EXOSC7: variants seen among roughly 807,000 people sequenced by gnomAD.
EXOSC7 encodes exosome complex component RRP42.
In EXOSC7, 25 loss-of-function variants were observed where a neutral mutation model predicts 34.3. The observed-to-expected ratio is 0.73, with a 90% CI of 0.53 to 1.02. The LOEUF (loss-of-function observed/expected upper bound fraction) is 1.02, where lower values mean the gene tolerates loss of function less well. EXOSC7 is among the 50% of genes least tolerant of loss of function. The pLI is 0.00. For synonymous variants in EXOSC7, 130 were observed against 143.0 expected (o/e 0.91, Z 0.65); for missense variants, 370 against 368.5 (o/e 1.00, Z -0.03).
At chr3:45,003,316 T>G (rs994876880) in intron 5 of EXOSC7, among the ~76,000 whole-genome samples, 6 of 147,474 alleles carry the variant, frequency 4.1e-5, no homozygotes, top group Non-Finnish European at 6.0e-5. Context: ...GTTGGGAAAT[T>G]GGGAGATACT....
At chr3:44,977,560 C>T (rs142332706) in intron 1 of EXOSC7, 118 of 152,298 alleles carry the variant, frequency 7.7e-4, no homozygotes, top group African/African-American at 2.7e-3. Flanking sequence ...AGTTATAATT[C>T]AGGATTAACA....
chr3:45,007,262 C>T (rs1707074647), intron 6 of EXOSC7, among the ~76,000 whole-genome samples, 158 bp from the exon 7 acceptor site: 1 of 152,244 alleles, frequency 6.6e-6, no homozygotes, highest in Admixed American at 6.5e-5. Context: ...TTGAACAATC[C>T]CTCAGCTGTT....
intron 4 of EXOSC7, among the ~76,000 whole-genome samples, chr3:44,997,932 G>A (rs545961668): frequency 3.3e-5 from 5 of 152,114 alleles, no homozygotes; most frequent in Middle Eastern, 3.4e-3. Flanking sequence ...AGTCCAGCCC[G>A]TCATTTCTTC....
intron 7 of EXOSC7, among the ~76,000 whole-genome samples, chr3:45,009,630 C>T (rs1278963221): frequency 2.6e-5 from 4 of 151,844 alleles, no homozygotes; most frequent in Non-Finnish European, 5.9e-5. Context: ...CTCACTGCAA[C>T]CTCCGCCTCC....
intron 7 of EXOSC7, 108 bp downstream of exon 7, chr3:45,007,683 C>A: frequency 7.9e-7 from 1 of 1,259,166 alleles, no homozygotes. Flanking sequence ...GCCTTGACCC[C>A]AAACTTGGAG....
chr3:45,005,702 TA>T (rs1707017310), intron 6 of EXOSC7, among the ~76,000 whole-genome samples: 1 of 152,224 alleles, frequency 6.6e-6, no homozygotes, highest in African/African-American at 2.4e-5. Flanking sequence ...TGTGCTTCAC[TA>T]AAGCACCATG....
chr3:44,996,029 T>C (rs1160690229), intron 3 of EXOSC7, among the ~76,000 whole-genome samples: 1 of 152,194 alleles, frequency 6.6e-6, no homozygotes, highest in Non-Finnish European at 1.5e-5. Context: ...CCTCACTGTT[T>C]GCTCCCTATG....
intron 6 of EXOSC7, among the ~76,000 whole-genome samples, chr3:45,006,765 C>G (rs1282144220): frequency 6.6e-6 from 1 of 152,036 alleles, no homozygotes; most frequent in East Asian, 1.9e-4. Context: ...TGCAGTAGCA[C>G]AATCTAGGCT....
Position 44,997,344 on chromosome 3 carries a change from G to A in EXOSC7, c.420+92G>A, listed in dbSNP as rs930983282. 4.1e-6 allele frequency: 5 copies of A among 1,223,080 alleles called. No individual in the cohort carries two copies. In the African/African-American group the frequency reaches 6.0e-5, roughly 15 times the overall value. 75.8% of individuals were successfully genotyped at this position (1,223,080 alleles called of 1,614,324 possible). On this transcript the variant is annotated intron_variant, in intron 4 of 7. Transcript: ENST00000265564. ...CTTCCAGTGCTTTTTTCCTCTTCAG[G>A]TGGATGCTTTCAACTTATAGGGTGG...
At chr3:44,977,273 T>C (rs1559738541) in intron 1 of EXOSC7, 1 of 152,268 alleles carries the variant, frequency 6.6e-6, no homozygotes, top group South Asian at 2.1e-4. Flanking sequence ...ATCAGAGTTC[T>C]TCATCCCATC....
chr3:44,998,335 C>T (rs1340085375), intron 4 of EXOSC7, among the ~76,000 whole-genome samples: 1 of 151,820 alleles, frequency 6.6e-6, no homozygotes, highest in Non-Finnish European at 1.5e-5. Context: ...CGTGCCTGGC[C>T]TTACGGGGAT....
chr3:45,002,335 C>T (rs577779307), intron 5 of EXOSC7: 5 of 152,138 alleles, frequency 3.3e-5, no homozygotes, highest in Admixed American at 2.6e-4. Context: ...GGATTAGAAA[C>T]TTCTAGGGAT....
chr3:45,006,517 C>T (rs939646448), intron 6 of EXOSC7, among the ~76,000 whole-genome samples: 14 of 146,772 alleles, frequency 9.5e-5, no homozygotes, highest in South Asian at 2.2e-4. Context: ...CCTGGGTTCA[C>T]GCCATTCTCC....
chr3:44,977,994 A>G (rs1329902264), intron 1 of EXOSC7, among the ~76,000 whole-genome samples: 1 of 152,250 alleles, frequency 6.6e-6, no homozygotes, highest in Non-Finnish European at 1.5e-5. Flanking sequence ...ACCAACATAT[A>G]TCTAGCTCCT....
rs202092789 is a variant in EXOSC7 at position 44,994,369 on chromosome 3, AT to A, written c.255-2704del. ...TGGGAGATTTTTGTTTCATGTAGGG[AT>A]TTTTTTTTTTTTTAAGGTGGACCTT... On this transcript the variant is annotated intron_variant, in intron 3 of 7. Transcript: ENST00000265564. Among the ~76,000 whole-genome samples the A allele has an allele frequency of 4.7e-3, 665 of 142,024 alleles. 3 individuals are homozygous for A. Among genetic ancestry groups the A allele is most frequent in the African/African-American group, 6.1e-3 (239 of 39,178 alleles). 93.2% of individuals were successfully genotyped at this position (142,024 alleles called of 152,430 possible).
At chr3:44,993,143 T>C (rs1417999834) in intron 3 of EXOSC7, among the ~76,000 whole-genome samples, 1 of 152,164 alleles carries the variant, frequency 6.6e-6, no homozygotes, top group African/African-American at 2.4e-5. Context: ...TTGAGGCTAA[T>C]TGTAATCAAA....
At chr3:44,977,563 G>A (rs972966208) in intron 1 of EXOSC7, 1 of 152,190 alleles carries the variant, frequency 6.6e-6, no homozygotes, top group African/African-American at 2.4e-5. Context: ...TATAATTCAG[G>A]ATTAACAACA....
chr3:44,997,291 T>C (rs368794047), intron 4 of EXOSC7, 39 bp downstream of exon 4: 18 of 1,566,424 alleles, frequency 1.1e-5, no homozygotes, highest in Non-Finnish European at 1.2e-5. Flanking sequence ...ATTCTACCTT[T>C]GTTGGAAAGA....
At chr3:44,980,521 G>T (rs900414611) in intron 1 of EXOSC7, among the ~76,000 whole-genome samples, 1 of 151,092 alleles carries the variant, frequency 6.6e-6, no homozygotes, top group Admixed American at 6.6e-5. Flanking sequence ...GGTGGCACTG[G>T]GATTTAAATC....
Sources: allele counts gnomAD v4.1 joint callset (sites outside exome capture counted in the v4.1 genomes callset), GRCh38; gene constraint gnomAD v4.1.1; transcripts MANE v1.5; gene names NCBI Gene and HGNC (gene_info 2026-07-23, HGNC 2026-07-21).